Variants in CSMD3 observed in about 807,000 individuals in gnomAD.
CSMD3 encodes CUB and Sushi multiple domains 3.
A neutral mutation model predicts 435.2 loss-of-function variants in CSMD3; 177 were observed. The observed-to-expected ratio is 0.41, with a 90% CI of 0.36 to 0.46. The LOEUF (loss-of-function observed/expected upper bound fraction) is 0.46. Among genes scored for constraint, CSMD3 ranks in the 20% least tolerant of loss-of-function variants. The probability of loss-of-function intolerance (pLI) is 0.34; values close to 1 mark genes in which losing one functional copy is unlikely to be tolerated. For synonymous variants in CSMD3, 1,656 were observed against 1,520.5 expected (o/e 1.09, Z -2.07); for missense variants, 4,265 against 4,504.6 (o/e 0.95, Z 1.52).
intron 12 of CSMD3, among the ~76,000 whole-genome samples, chr8:112,826,002 G>A (rs2079668926): frequency 6.6e-6 from 1 of 152,206 alleles, no homozygotes; most frequent in Admixed American, 6.5e-5. Flanking sequence ...CAAGCCCAGG[G>A]AGATCAGAGT....
chr8:112,546,051 G>A (rs1415939839), intron 27 of CSMD3, among the ~76,000 whole-genome samples: 1 of 152,208 alleles, frequency 6.6e-6, no homozygotes, highest in Non-Finnish European at 1.5e-5. Flanking sequence ...AATTTTGAAT[G>A]TAGGTACAAG....
At chr8:113,078,491 G>C (rs1422016039) in intron 5 of CSMD3, among the ~76,000 whole-genome samples, 1 of 152,122 alleles carries the variant, frequency 6.6e-6, no homozygotes, top group Non-Finnish European at 1.5e-5. Context: ...ATTAGAAGCT[G>C]ATCAAATGAA....
rs546014199 is a variant in CSMD3 at position 112,304,853 on chromosome 8, C to T, written c.8134G>A (p.Gly2712Ser). The T allele has an allele frequency of 6.2e-7, 1 of 1,613,902 alleles. No homozygotes were observed. Among genetic ancestry groups the T allele is most frequent in the South Asian group, 1.1e-5 (1 of 91,082 alleles). ...TTGGTTTTGTATTCATAATGGGAGCCATTCACAATTCGCCATCTTCCATGT... is the reference window on the plus strand; with the variant it reads ...TTGGTTTTGTATTCATAATGGGAGCTATTCACAATTCGCCATCTTCCATGT... ...LEHGRWRIVN[G>S]SHYEYKTKVV... is the part of the protein sequence containing the mutation. The change falls in exon 52 of 71, where the codon GGC becomes AGC. Residue 2712 changes from glycine (G) to serine (S), a missense_variant. This residue lies in a region of CSMD3 where 3,255 missense variants were observed against 3,380.2 expected (regional missense o/e 0.96). Coordinates refer to ENST00000297405, the MANE Select transcript of CSMD3 (RefSeq NM_198123.2).
Position 112,314,625 on chromosome 8 carries a change from A to G in CSMD3, c.7361-8T>C, listed in dbSNP as rs762179787. 5.6e-6 allele frequency: 9 copies of G among 1,602,982 alleles called. No individual in the cohort carries two copies. In the East Asian group the frequency reaches 1.8e-4, roughly 32 times the overall value. ...CATTGGCAGGACAGAGCACTGTCAA[A>G]GAAAAATGTCATTAAATAATGCCAG... is the stretch of plus-strand genomic sequence containing the variant. On this transcript the variant is annotated splice_region_variant and splice_polypyrimidine_tract_variant and intron_variant, in intron 47 of 70. Transcript: ENST00000297405.
chr8:113,298,196 TA>T (rs1311053395), intron 2 of CSMD3, among the ~76,000 whole-genome samples: 2 of 152,102 alleles, frequency 1.3e-5, no homozygotes, highest in Non-Finnish European at 2.9e-5. Flanking sequence ...TGTTGAAAAA[TA>T]AAAATGAAGA....
At position 112,682,605 on chromosome 8, in the gene CSMD3, T is replaced by C. The variant is rs746135818; in HGVS notation, c.2514A>G (p.Gly838=). Residue 838 remains glycine, a synonymous_variant, in exon 16 of 71, where the codon GGA becomes GGG. Coordinates refer to ENST00000297405, the MANE Select transcript of CSMD3 (RefSeq NM_198123.2). ...TFGHNECPDP[G]IPINARRFGD... ...CAAACCGCCGTGCATTGATTGGTAT[T>C]CCAGGATCAGGGCATTCATTATGTC... 5.6e-5 allele frequency: 91 copies of C among 1,613,344 alleles called. 1 individual carries two copies. The Middle Eastern group carries it at 5.8e-3, about 102-fold the overall frequency.
At chr8:112,763,031 C>T (rs1294748388) in intron 13 of CSMD3, among the ~76,000 whole-genome samples, 2 of 151,526 alleles carry the variant, frequency 1.3e-5, no homozygotes. Context: ...AAAAATGCTA[C>T]GAGAGTAGAT....
intron 4 of CSMD3, among the ~76,000 whole-genome samples, chr8:113,142,865 AATAT>A (rs60270302): frequency 0.42 from 60,120 of 144,850 alleles, 12,830 homozygotes; most frequent in East Asian, 0.68. Flanking sequence ...GAACTCCTTA[AATAT>A]ATATATATAT....
chr8:112,295,902 A>G lies in CSMD3; in HGVS notation c.8545T>C (p.Leu2849=), dbSNP rs1479807233. ...CATATCCTCACTGAAGAACCAATCA[A>G]TCGAAAACCAGGATTACATTGATAT... ...VVYQCNPGFR[L]IGSSVRICQQ... is the part of the protein sequence containing the mutation. Residue 2849 remains leucine (L), a synonymous_variant, in exon 54 of 71, where the codon TTG becomes CTG. Transcript: ENST00000297405. 2 of 1,614,002 alleles carry G rather than the reference A, an allele frequency of 1.2e-6. No individual in the cohort carries two copies. The highest frequency in any genetic ancestry group is 1.7e-6 in the Non-Finnish European group (2 of 1,179,948).
chr8:113,040,880 C>A (rs992018975), intron 5 of CSMD3, among the ~76,000 whole-genome samples: 1 of 152,038 alleles, frequency 6.6e-6, no homozygotes, highest in Non-Finnish European at 1.5e-5. Flanking sequence ...TCCCCCCACA[C>A]ACCAAGGTTT....
intron 32 of CSMD3, among the ~76,000 whole-genome samples, chr8:112,447,049 C>T (rs1815687408): frequency 6.6e-6 from 1 of 151,972 alleles, no homozygotes; most frequent in African/African-American, 2.4e-5. Flanking sequence ...GAGTGTAATA[C>T]TCATTATATC....
intron 38 of CSMD3, among the ~76,000 whole-genome samples, chr8:112,356,625 C>T (rs80112793): frequency 0.038 from 5,684 of 151,302 alleles, 356 homozygotes; most frequent in African/African-American, 0.13. Flanking sequence ...TGGGAATTCT[C>T]ATCTTGAATT....
chr8:112,638,780 C>A lies in CSMD3; in HGVS notation c.3442G>T (p.Gly1148Cys), dbSNP rs1483307018. The stretch of plus-strand genomic sequence containing the variant: ...TGAGCCCTGAAATTTCCATAGAGAC[C>A]AGCATTGATTGTTGGAGGAAGATCT... ...GSDLPPTINA[G>C]LYGNFRAQLR... The change falls in exon 21 of 71, where the codon GGT (glycine) becomes TGT (cysteine). Residue 1148 changes from glycine (G) to cysteine (C), a missense_variant. Gly to Cys is a radical substitution (Grantham distance 159, BLOSUM62 -3). Coordinates refer to ENST00000297405, the MANE Select transcript of CSMD3 (RefSeq NM_198123.2). 1 of 1,612,384 alleles carries A rather than the reference C, an allele frequency of 6.2e-7. No homozygotes were observed. Among genetic ancestry groups the A allele is most frequent in the Non-Finnish European group, 8.5e-7 (1 of 1,178,862 alleles).
intron 7 of CSMD3, among the ~76,000 whole-genome samples, chr8:112,962,534 CAA>C (rs539677938): frequency 7.0e-6 from 1 of 143,444 alleles, no homozygotes; most frequent in South Asian, 2.2e-4. Flanking sequence ...TATAAATTTA[CAA>C]AAAAAAAATA....
intron 16 of CSMD3, among the ~76,000 whole-genome samples, chr8:112,674,118 T>A (rs1322426196): frequency 6.6e-6 from 1 of 152,062 alleles, no homozygotes; most frequent in African/African-American, 2.4e-5. Context: ...GTGCCTTGAG[T>A]AGCAGCCAGA....
At chr8:112,725,157 T>C (rs1032129146) in intron 13 of CSMD3, among the ~76,000 whole-genome samples, 4 of 151,962 alleles carry the variant, frequency 2.6e-5, no homozygotes, top group Non-Finnish European at 5.9e-5. Flanking sequence ...AAAACAACTT[T>C]TTTTAACAAA....
At chr8:112,905,321 T>TATATACACAC (rs5894119) in intron 10 of CSMD3, among the ~76,000 whole-genome samples, 18 of 145,688 alleles carry the variant, frequency 1.2e-4, no homozygotes, top group African/African-American at 4.3e-4. Flanking sequence ...TATATATATA[T>TATATACACAC]ACACACACAC....
At chr8:112,516,757 T>C (rs1224312584) in intron 28 of CSMD3, among the ~76,000 whole-genome samples, 1 of 152,162 alleles carries the variant, frequency 6.6e-6, no homozygotes, top group Non-Finnish European at 1.5e-5. Flanking sequence ...TATGGCTACA[T>C]AGTAAATAAA....
chr8:112,432,447 G>T (rs1295481222), intron 32 of CSMD3, among the ~76,000 whole-genome samples: 3 of 151,990 alleles, frequency 2.0e-5, no homozygotes, highest in Non-Finnish European at 4.4e-5. Context: ...GAGACCACAG[G>T]TGTGAGCCAC....
Sources: gnomAD v4.1 joint callset for allele counts (sites outside exome capture counted in the v4.1 genomes callset) on GRCh38, gnomAD v4.1.1 for gene constraint, gnomAD v4.1.1 regional missense constraint, MANE v1.5 for transcripts, NCBI Gene and HGNC (gene_info 2026-07-23, HGNC 2026-07-21) for gene names.